TMTC2: variants seen among roughly 807,000 people sequenced by gnomAD.
TMTC2 encodes the protein transmembrane O-mannosyltransferase targeting cadherins 2, also known as protein O-mannosyl-transferase TMTC2.
A neutral mutation model predicts 82.4 loss-of-function variants in TMTC2; 43 were observed. The ratio of observed to expected loss-of-function variants is 0.52; its 90% CI spans 0.41 to 0.67. The LOEUF is 0.67. TMTC2 is among the 30% of genes least tolerant of loss of function. The pLI is 0.00. For synonymous variants in TMTC2, 408 were observed against 381.9 expected (o/e 1.07, Z -0.80); for missense variants, 919 against 1,012.4 (o/e 0.91, Z 1.25).
intron 3 of TMTC2, among the ~76,000 whole-genome samples, chr12:82,912,472 C>A (rs1239081777): frequency 6.6e-6 from 1 of 152,150 alleles, no homozygotes; most frequent in East Asian, 1.9e-4. Flanking sequence ...AGACTACCAG[C>A]AAAGACCACA....
chr12:82,740,820 G>C (rs1270589094), intron 1 of TMTC2, among the ~76,000 whole-genome samples: 2 of 152,068 alleles, frequency 1.3e-5, no homozygotes, highest in Non-Finnish European at 2.9e-5. Flanking sequence ...ACCTTTCTTT[G>C]ACCTGCTCTC....
At chr12:82,803,817 T>C (rs1394620559) in intron 1 of TMTC2, among the ~76,000 whole-genome samples, 1 of 152,042 alleles carries the variant, frequency 6.6e-6, no homozygotes, top group African/African-American at 2.4e-5. Flanking sequence ...GGTCAGACAC[T>C]GCACTTGACC....
intron 3 of TMTC2, among the ~76,000 whole-genome samples, chr12:82,899,586 T>A (rs1026038145): frequency 1.4e-3 from 177 of 125,696 alleles, no homozygotes; most frequent in Middle Eastern, 7.9e-3. Context: ...TATATATATA[T>A]AAGAATATAT....
At position 82,798,928 on chromosome 12, in the gene TMTC2, A is replaced by T. The variant is rs144689796; in HGVS notation, c.84-58082A>T. ...TCCAATGATGATACTTGCAGGAAAAATTTTGCTTTCAAGAGAAGTAACCTC... is the reference window on the plus strand; with the variant it reads ...TCCAATGATGATACTTGCAGGAAAATTTTTGCTTTCAAGAGAAGTAACCTC... On this transcript the variant is annotated intron_variant, in intron 1 of 11. Transcript: ENST00000321196. Among the ~76,000 whole-genome samples, 341 of 152,158 alleles carry T rather than the reference A, an allele frequency of 2.2e-3. 2 individuals are homozygous for T. The highest frequency in any genetic ancestry group is 7.3e-3 in the African/African-American group (304 of 41,518).
intron 4 of TMTC2, among the ~76,000 whole-genome samples, chr12:82,956,356 C>A (rs1877615371): frequency 6.6e-6 from 1 of 151,736 alleles, no homozygotes; most frequent in Non-Finnish European, 1.5e-5. Context: ...AATATGACAC[C>A]CACAGGCTCA....
intron 1 of TMTC2, among the ~76,000 whole-genome samples, chr12:82,739,753 C>A (rs138037233): frequency 6.7e-6 from 1 of 148,692 alleles, no homozygotes; most frequent in Non-Finnish European, 1.5e-5. Flanking sequence ...TTAAGGCAAG[C>A]GTCCAAGTTT....
intron 1 of TMTC2, among the ~76,000 whole-genome samples, chr12:82,837,342 G>A (rs1344535471): frequency 1.3e-5 from 2 of 152,104 alleles, no homozygotes; most frequent in African/African-American, 4.8e-5. Flanking sequence ...GCATGGTGAC[G>A]CACATCTGTA....
rs1381128990 is a variant in TMTC2, at chr12:82,876,052, T to C, written c.654+18472T>C. ...GCGGTGGTGGTGGTGGTGGTGGTGG[T>C]GGTGGTGGTGGTGGTGATGATGATG... is the stretch of plus-strand genomic sequence containing the variant. On this transcript the variant is annotated intron_variant, in intron 2 of 11. Coordinates refer to ENST00000321196, the MANE Select transcript of TMTC2 (RefSeq NM_152588.3). Among the ~76,000 whole-genome samples the C allele has an allele frequency of 2.4e-3, 300 of 124,194 alleles. 8 individuals are homozygous for C. The highest frequency in any genetic ancestry group is 8.1e-3 in the African/African-American group (274 of 33,632). The allele number at this position is 124,194 out of a possible 152,430, so 81.5% of individuals were successfully genotyped here.
At chr12:82,721,938 A>G (rs941066812) in intron 1 of TMTC2, among the ~76,000 whole-genome samples, 2 of 152,200 alleles carry the variant, frequency 1.3e-5, no homozygotes, top group African/African-American at 2.4e-5. Context: ...ACAGTGACCT[A>G]CCTGAGTCTG....
intron 1 of TMTC2, among the ~76,000 whole-genome samples, chr12:82,750,303 A>G (rs1875916012): frequency 6.6e-6 from 1 of 151,894 alleles, no homozygotes; most frequent in Admixed American, 6.6e-5. Context: ...TGGCCATATC[A>G]AGCAGCTTTC....
At chr12:83,128,800 ACTTCC>A (rs1463826743) in intron 11 of TMTC2, among the ~76,000 whole-genome samples, 4 of 152,168 alleles carry the variant, frequency 2.6e-5, no homozygotes, top group African/African-American at 9.7e-5. Context: ...CATCCATTAA[ACTTCC>A]CTAGCACAGA....
intron 9 of TMTC2, among the ~76,000 whole-genome samples, chr12:83,044,334 A>G (rs7975671): frequency 0.48 from 73,254 of 151,948 alleles, 18,638 homozygotes; most frequent in East Asian, 0.79. Context: ...CAGGTAGAGG[A>G]AATAGTGAGT....
At position 82,907,867 on chromosome 12, in the gene TMTC2, A is replaced by C. The variant is rs536249276; in HGVS notation, c.1483+11221A>C. On this transcript the variant is annotated intron_variant, in intron 3 of 11. Transcript: ENST00000321196. ...GGTGGCTCATGCCTGTAATCCCAGCACTCTAGGAGGCCGAGGTGGGCAGAT... is the reference window on the plus strand; with the variant it reads ...GGTGGCTCATGCCTGTAATCCCAGCCCTCTAGGAGGCCGAGGTGGGCAGAT... Among the ~76,000 whole-genome samples the C allele has an allele frequency of 5.2e-4, 79 of 152,124 alleles. No individual in the cohort carries two copies. In the South Asian group the frequency reaches 6.0e-3, roughly 12 times the overall value.
In TMTC2 at chr12:82,719,080, TATA is replaced by T. The variant is rs1874053086; in HGVS notation, c.83+31412_83+31414del. On this transcript the variant is annotated intron_variant, in intron 1 of 11. Coordinates refer to ENST00000321196, the MANE Select transcript of TMTC2 (RefSeq NM_152588.3). ...GATTTTATATATATATATATATATA[TATA>T]TATTTTTTTTTTTTTTTTTTTTTTT... Among the ~76,000 whole-genome samples the T allele has an allele frequency of 2.3e-3, 162 of 70,122 alleles. 1 individual carries two copies. Among genetic ancestry groups the T allele is most frequent in the Non-Finnish European group, 3.5e-3 (130 of 37,280 alleles). The allele number at this position is 70,122 out of a possible 152,430, so 46.0% of individuals were successfully genotyped here.
intron 1 of TMTC2, among the ~76,000 whole-genome samples, chr12:82,765,280 T>C (rs1876886251): frequency 6.6e-6 from 1 of 152,186 alleles, no homozygotes; most frequent in Non-Finnish European, 1.5e-5. Flanking sequence ...CAATCATCCA[T>C]TCAATAAATA....
At chr12:82,694,166 A>G (rs1282725032) in intron 1 of TMTC2, among the ~76,000 whole-genome samples, 2 of 152,158 alleles carry the variant, frequency 1.3e-5, no homozygotes, top group Admixed American at 6.5e-5. Context: ...TCAAGATTCC[A>G]CATTAAAAGT....
At chr12:82,761,884 T>TTCTTTTTC (rs141652120) in intron 1 of TMTC2, among the ~76,000 whole-genome samples, 2 of 149,914 alleles carry the variant, frequency 1.3e-5, no homozygotes, top group Non-Finnish European at 2.9e-5. Context: ...CTTTCTTTCT[T>TTCTTTTTC]TCTCTCTCTT....
intron 1 of TMTC2, among the ~76,000 whole-genome samples, chr12:82,695,821 C>G (rs1872761602): frequency 6.6e-6 from 1 of 152,154 alleles, no homozygotes; most frequent in African/African-American, 2.4e-5. Context: ...CAGAACCATT[C>G]CGAAGAAGGG....
chr12:83,005,008 C>T (rs1326645059), intron 8 of TMTC2, among the ~76,000 whole-genome samples: 1 of 143,946 alleles, frequency 6.9e-6, no homozygotes, highest in African/African-American at 2.7e-5. Flanking sequence ...AAAAAACAGC[C>T]GAGTGGCCAA....
Sources: allele counts gnomAD v4.1 joint callset (sites outside exome capture counted in the v4.1 genomes callset), GRCh38; gene constraint gnomAD v4.1.1; transcripts MANE v1.5; gene names NCBI Gene and HGNC (gene_info 2026-07-23, HGNC 2026-07-21).